Variants in DGKB observed in about 807,000 individuals in gnomAD.
The protein encoded by DGKB is diacylglycerol kinase beta.
In DGKB, 67 loss-of-function variants were observed where a neutral mutation model predicts 114.3. That is an observed-to-expected ratio of 0.59 (90% CI 0.48 to 0.72). The LOEUF is 0.72. Among genes scored for constraint, DGKB ranks in the 30% least tolerant of loss-of-function variants. DGKB has a pLI of 0.00. For missense variants in DGKB, 907 were observed against 975.2 expected (o/e 0.93, Z 0.93); for synonymous variants, 398 against 323.1 (o/e 1.23, Z -2.49).
chr7:14,379,013 G>A (rs1444073408), intron 21 of DGKB, among the ~76,000 whole-genome samples: 1 of 150,510 alleles, frequency 6.6e-6, no homozygotes, highest in Non-Finnish European at 1.5e-5. Flanking sequence ...AATGAGATTG[G>A]GGAAAATGTC....
intron 5 of DGKB, among the ~76,000 whole-genome samples, chr7:14,729,155 C>T (rs1830482403): frequency 8.0e-6 from 1 of 124,478 alleles, no homozygotes; most frequent in Non-Finnish European, 1.6e-5. Flanking sequence ...TGGAGTCTCA[C>T]TCTGTTGCCC....
chr7:14,482,331 A>G (rs906318704), intron 20 of DGKB, among the ~76,000 whole-genome samples: 10 of 151,948 alleles, frequency 6.6e-5, no homozygotes, highest in African/African-American at 1.9e-4. Context: ...AATTAAATAA[A>G]TTGCATAATC....
chr7:14,590,039 C>T (rs1189363), intron 17 of DGKB, among the ~76,000 whole-genome samples: 100,643 of 149,474 alleles, frequency 0.67, 34,495 homozygotes, highest in African/African-American at 0.78. Flanking sequence ...AGGGATAGCA[C>T]TGGGAGATAT....
intron 6 of DGKB, among the ~76,000 whole-genome samples, chr7:14,709,873 G>C (rs1415972125): frequency 6.1e-5 from 9 of 148,410 alleles, no homozygotes; most frequent in Non-Finnish European, 1.3e-4. Flanking sequence ...GCTAGATGAG[G>C]AGTTAGTGGG....
At chr7:14,346,698 T>C (rs777634234) in intron 21 of DGKB, among the ~76,000 whole-genome samples, 1 of 151,990 alleles carries the variant, frequency 6.6e-6, no homozygotes, top group East Asian at 1.9e-4. Flanking sequence ...TATCTACAGA[T>C]GTGTCTATAT....
intron 21 of DGKB, among the ~76,000 whole-genome samples, chr7:14,409,833 G>T (rs1029695267): frequency 6.6e-6 from 1 of 151,548 alleles, no homozygotes; most frequent in Non-Finnish European, 1.5e-5. Context: ...AAACAGACAA[G>T]TACTGTAAAT....
chr7:14,619,799 C>T (rs1807264249), intron 15 of DGKB, among the ~76,000 whole-genome samples: 1 of 151,568 alleles, frequency 6.6e-6, no homozygotes, highest in South Asian at 2.1e-4. Flanking sequence ...TGGTATTGAT[C>T]TCATATGTTT....
chr7:14,231,948 G>A (rs374580686), intron 23 of DGKB, among the ~76,000 whole-genome samples: 11 of 151,942 alleles, frequency 7.2e-5, no homozygotes, highest in South Asian at 2.1e-4. Flanking sequence ...AGCCTCATTC[G>A]GTGGGTTTGA....
chr7:14,681,217 AATTTGAATCATC>A (rs1251440622), intron 12 of DGKB, among the ~76,000 whole-genome samples: 1 of 152,048 alleles, frequency 6.6e-6, no homozygotes, highest in Non-Finnish European at 1.5e-5. Flanking sequence ...TCATGTGTAA[AATTTGAATCATC>A]GTTAGACATT....
chr7:14,685,475 C>T (rs1821524492), intron 9 of DGKB, 113 bp from the exon 10 acceptor site: 1 of 743,328 alleles, frequency 1.3e-6, no homozygotes. Context: ...TCTGTTATTT[C>T]ATCCCTGACT....
intron 13 of DGKB, among the ~76,000 whole-genome samples, chr7:14,669,773 A>C (rs1349139531): frequency 6.6e-6 from 1 of 152,170 alleles, no homozygotes; most frequent in Non-Finnish European, 1.5e-5. Flanking sequence ...TAGTACAAAC[A>C]ACTTGTACTA....
chr7:14,662,625 G>A (rs1817354498), intron 13 of DGKB, among the ~76,000 whole-genome samples: 1 of 151,812 alleles, frequency 6.6e-6, no homozygotes, highest in Non-Finnish European at 1.5e-5. Context: ...TTTACTTAAT[G>A]AGATTACACA....
chr7:14,538,576 A>G (rs577801135), intron 20 of DGKB, among the ~76,000 whole-genome samples: 9 of 152,152 alleles, frequency 5.9e-5, no homozygotes, highest in Non-Finnish European at 1.2e-4. Context: ...AATAGTATAG[A>G]GATTCCTCAA....
chr7:14,848,641 T>C (rs1389559196), intron 1 of DGKB, among the ~76,000 whole-genome samples: 1 of 152,224 alleles, frequency 6.6e-6, no homozygotes, highest in Non-Finnish European at 1.5e-5. Context: ...AGACTGCAAT[T>C]AGCAGTCTGT....
Position 14,694,068 on chromosome 7 carries a change from T to C in DGKB, c.711+7A>G. The C allele has an allele frequency of 3.8e-6, 6 of 1,575,980 alleles. No homozygotes were observed. Among genetic ancestry groups the C allele is most frequent in the Non-Finnish European group, 5.2e-6 (6 of 1,158,652 alleles). ...ACCAGGCCACCCTCCTCTGTGGAAA[T>C]GCTTACATTTTCTAAGCCCAGGAGC... On this transcript the variant is annotated splice_region_variant and intron_variant, in intron 9 of 25. Transcript: ENST00000402815.
intron 25 of DGKB, among the ~76,000 whole-genome samples, chr7:14,165,667 T>A (rs1784519188): frequency 6.6e-6 from 1 of 152,210 alleles, no homozygotes; most frequent in Admixed American, 6.5e-5. Flanking sequence ...CAATATATAT[T>A]ATGTGAAGTG....
chr7:14,514,757 A>G (rs536263825), intron 20 of DGKB, among the ~76,000 whole-genome samples: 23 of 152,272 alleles, frequency 1.5e-4, no homozygotes, highest in African/African-American at 5.3e-4. Flanking sequence ...TTAGTGTCCC[A>G]TTTTAAAAAA....
intron 25 of DGKB, among the ~76,000 whole-genome samples, chr7:14,164,423 A>C (rs533256411): frequency 2.0e-4 from 31 of 152,338 alleles, no homozygotes; most frequent in African/African-American, 6.5e-4. Context: ...TGGTACATTA[A>C]GAATTATTTA....
At chr7:14,312,508 G>T (rs552630557) in intron 23 of DGKB, among the ~76,000 whole-genome samples, 5 of 152,314 alleles carry the variant, frequency 3.3e-5, no homozygotes, top group African/African-American at 9.6e-5. Context: ...TGTCCTTGAT[G>T]AAGCAGTAAA....
Sources: allele counts gnomAD v4.1 joint callset (sites outside exome capture counted in the v4.1 genomes callset), GRCh38; gene constraint gnomAD v4.1.1; transcripts MANE v1.5; gene names NCBI Gene and HGNC (gene_info 2026-07-23, HGNC 2026-07-21).